PRPF39: variants seen among roughly 807,000 people sequenced by gnomAD.
PRPF39 encodes pre-mRNA-processing factor 39.
In PRPF39, 27 loss-of-function variants were observed where a neutral mutation model predicts 82.1. The ratio of observed to expected loss-of-function variants is 0.33; its 90% CI spans 0.24 to 0.45. The LOEUF (loss-of-function observed/expected upper bound fraction) is 0.45. PRPF39 is among the 20% of genes least tolerant of loss of function. The pLI is 1.00. For missense variants in PRPF39, 581 were observed against 796.9 expected (o/e 0.73, Z 3.26); for synonymous variants, 261 against 256.4 (o/e 1.02, Z -0.17).
rs1422235974 is a variant in PRPF39, at chr14:45,109,596, A to T, written c.1012-20A>T. ...GTGATATTGGTTTACTTTCATTGGC[A>T]TGTTACAATTTCATTTCAGATTAAA... On this transcript the variant is annotated intron_variant, in intron 7 of 13. Coordinates refer to ENST00000355765, the MANE Select transcript of PRPF39 (RefSeq NM_017922.4). 1.3e-6 allele frequency: 2 copies of T among 1,585,402 alleles called. No homozygotes were observed. The highest frequency in any genetic ancestry group is 2.7e-5 in the African/African-American group (2 of 73,884).
At chr14:45,109,139 A>G (rs945433648) in intron 7 of PRPF39, among the ~76,000 whole-genome samples, 1 of 152,182 alleles carries the variant, frequency 6.6e-6, no homozygotes, top group African/African-American at 2.4e-5. Context: ...AGATTTCCCT[A>G]TAATGGCCTT....
Position 45,095,293 on chromosome 14 carries a change from C to T in PRPF39, c.54C>T (p.Gly18=). 1 of 1,612,138 alleles carries T rather than the reference C, an allele frequency of 6.2e-7. No homozygotes were observed. Among genetic ancestry groups the T allele is most frequent in the Non-Finnish European group, 8.5e-7 (1 of 1,178,520 alleles). The change falls in exon 2 of 14, where the codon GGC becomes GGT. Residue 18 remains glycine (G), a synonymous_variant. Transcript: ENST00000355765. ...EYRNSSNGST[G]NSSEVVVEHP... Reference sequence around the variant, plus strand: ...GAAATTCTAGTAATGGCAGCACAGGCAACAGTTCAGAGGTAGTGGTAGAAC... The same window carrying T: ...GAAATTCTAGTAATGGCAGCACAGGTAACAGTTCAGAGGTAGTGGTAGAAC...
intron 4 of PRPF39, among the ~76,000 whole-genome samples, chr14:45,101,395 G>T (rs1884368185): frequency 6.6e-6 from 1 of 152,104 alleles, no homozygotes; most frequent in Admixed American, 6.5e-5. Flanking sequence ...ATTAAATCCA[G>T]TGATTAAAAT....
At chr14:45,105,110 G>C (rs973982884) in intron 5 of PRPF39, among the ~76,000 whole-genome samples, 2 of 152,070 alleles carry the variant, frequency 1.3e-5, no homozygotes, top group South Asian at 2.1e-4. Context: ...TTTAGGAATA[G>C]AGCTCAATAT....
chr14:45,095,398 A>T lies in PRPF39; in HGVS notation c.159A>T (p.Ala53=). The T allele has an allele frequency of 3.1e-6, 5 of 1,614,016 alleles. No homozygotes were observed. Among genetic ancestry groups the T allele is most frequent in the Non-Finnish European group, 3.4e-6 (4 of 1,179,878 alleles). The change falls in exon 2 of 14, where the codon GCA becomes GCT. Residue 53 remains alanine, a synonymous_variant. Transcript: ENST00000355765. ...CTGATGACTCTCCCAATGTGAATGC[A>T]TCTACAGAAGAAACTGAAATGGCAA... The part of the protein sequence containing the change: ...QSPDDSPNVN[A]STEETEMASA...
rs537749951 is a variant in PRPF39 at position 45,094,637 on chromosome 14, A to C, written c.-19-584A>C. 4.1e-4 allele frequency among the ~76,000 whole-genome samples: 62 copies of C among 152,326 alleles called. 1 individual carries two copies. Among genetic ancestry groups the C allele is most frequent in the African/African-American group, 1.4e-3 (60 of 41,566 alleles). ...GTTTAATTTTTTAAAGCCATAATTT[A>C]TATCTTATATAATAAAGTTGAAACC... On this transcript the variant is annotated intron_variant, in intron 1 of 13. Coordinates refer to ENST00000355765, the MANE Select transcript of PRPF39 (RefSeq NM_017922.4).
chr14:45,102,468 A>G, intron 4 of PRPF39, 61 bp from the exon 5 acceptor site: 1 of 1,360,502 alleles, frequency 7.4e-7, no homozygotes, highest in Non-Finnish European at 9.8e-7. Context: ...AAATTTAGAA[A>G]TAATATTTTA....
In PRPF39 at chr14:45,114,506, A is replaced by G. The variant is rs766648418; in HGVS notation, c.1845A>G (p.Pro615=). The change falls in exon 13 of 14, where the codon CCA becomes CCG. Residue 615 remains proline (P), a synonymous_variant. Coordinates refer to ENST00000355765, the MANE Select transcript of PRPF39 (RefSeq NM_017922.4). ...KRKAENGSEE[P]EEKKAHTEDT... is the part of the protein sequence containing the mutation. ...ACGTTTTATATAGATCAGAAGAACC[A>G]GAGGAAAAGAAAGCACATACAGAAG... The G allele has an allele frequency of 6.3e-7, 1 of 1,578,934 alleles. No individual in the cohort carries two copies. The highest frequency in any genetic ancestry group is 8.5e-7 in the Non-Finnish European group (1 of 1,169,948).
chr14:45,110,938 G>GTT lies in PRPF39; in HGVS notation c.1572+121_1572+122insTT. 1 of 989,846 alleles carries GTT rather than the reference G, an allele frequency of 1.0e-6. No individual in the cohort carries two copies. The highest frequency in any genetic ancestry group is 1.6e-5 in the African/African-American group (1 of 60,884). The allele number at this position is 989,846 out of a possible 1,614,324, so 61.3% of individuals were successfully genotyped here. Reference sequence around the variant, plus strand: ...TGTAATAGATTTTATTACTAAATGAGGACAACAGTCCCTCTAAACTGATGT... The same window carrying GTT: ...TGTAATAGATTTTATTACTAAATGAGTTGACAACAGTCCCTCTAAACTGATGT... On this transcript the variant is annotated intron_variant, in intron 10 of 13. Transcript: ENST00000355765. This position sits in a 1 kb window ranked among gnomAD's most constrained non-coding sequence, Gnocchi z 4.0.
At chr14:45,104,740 T>C (rs1884475419) in intron 5 of PRPF39, among the ~76,000 whole-genome samples, 2 of 152,242 alleles carry the variant, frequency 1.3e-5, no homozygotes, top group African/African-American at 4.8e-5. Flanking sequence ...CATGAGGACT[T>C]TGTGATCTGG....
chr14:45,102,413 A>T, intron 4 of PRPF39, 116 bp from the exon 5 acceptor site: 1 of 826,666 alleles, frequency 1.2e-6, no homozygotes, highest in Non-Finnish European at 1.8e-6. Flanking sequence ...CCCTACTTGC[A>T]TAGGAAGCAG....
Position 45,095,209 on chromosome 14 carries a change from G to A in PRPF39, c.-19-12G>A, listed in dbSNP as rs76134963. The stretch of plus-strand genomic sequence containing the variant: ...TTTGGAAGATATTTCTCTTTTTTTC[G>A]TGTTTCCACAGATCGTTAACTGAAG... On this transcript the variant is annotated splice_polypyrimidine_tract_variant and intron_variant, in intron 1 of 13. Coordinates refer to ENST00000355765, the MANE Select transcript of PRPF39 (RefSeq NM_017922.4). 1.6e-5 allele frequency: 23 copies of A among 1,464,340 alleles called. No individual in the cohort carries two copies. Among genetic ancestry groups the A allele is most frequent in the South Asian group, 5.2e-5 (4 of 76,816 alleles). 90.7% of individuals were successfully genotyped at this position (1,464,340 alleles called of 1,614,324 possible).
At chr14:45,112,552 T>G (rs1884726206) in intron 11 of PRPF39, 50 bp downstream of exon 11, 1 of 1,400,888 alleles carries the variant, frequency 7.1e-7, no homozygotes, top group Admixed American at 2.9e-5. Context: ...AGCATTGATA[T>G]TTTTGTATGG....
At chr14:45,103,309 A>G (rs1001468867) in intron 5 of PRPF39, among the ~76,000 whole-genome samples, 2 of 152,130 alleles carry the variant, frequency 1.3e-5, no homozygotes, top group Non-Finnish European at 2.9e-5. Flanking sequence ...TTTCTGCTTT[A>G]TTCAGAGTAT....
In PRPF39 at chr14:45,084,155, C is replaced by G. The variant is rs1031491226; in HGVS notation, c.-114C>G. Reference sequence around the variant, plus strand: ...GCGGCCGTGGCGCGGGTGGCGGCTGCTGTGCTGGCTGTGGGGACGGAGGCG... The same window carrying G: ...GCGGCCGTGGCGCGGGTGGCGGCTGGTGTGCTGGCTGTGGGGACGGAGGCG... On this transcript the variant is annotated 5_prime_UTR_variant, in exon 1 of 14. Transcript: ENST00000355765. The G allele has an allele frequency of 6.5e-6, 1 of 153,576 alleles. No individual in the cohort carries two copies. Among genetic ancestry groups the G allele is most frequent in the African/African-American group, 2.4e-5 (1 of 41,498 alleles). 9.5% of individuals were successfully genotyped at this position (153,576 alleles called of 1,614,324 possible). A position where few individuals can be genotyped will look rare whatever the true frequency, so the allele number is the denominator to read the frequency against.
chr14:45,104,598 TAAAA>T (rs1024378834), intron 5 of PRPF39, among the ~76,000 whole-genome samples: 1 of 152,166 alleles, frequency 6.6e-6, no homozygotes, highest in African/African-American at 2.4e-5. Flanking sequence ...AGGCGTGTGT[TAAAA>T]AAGATATTCT....
Position 45,109,768 on chromosome 14 carries a change from G to A in PRPF39, c.1164G>A (p.Glu388=). ...TCATATCATGTGCCCTCTATGAGGA[G>A]TTTTGGATTAAGGTAAGAAAATCAT... The part of the protein sequence containing the change: ...RCVISCALYE[E]FWIKYAKYME... The change falls in exon 8 of 14, where the codon GAG becomes GAA. Residue 388 remains glutamate, a synonymous_variant. Coordinates refer to ENST00000355765, the MANE Select transcript of PRPF39 (RefSeq NM_017922.4). 6.2e-7 allele frequency: 1 copy of A among 1,601,726 alleles called. No homozygotes were observed. Among genetic ancestry groups the A allele is most frequent in the Non-Finnish European group, 8.5e-7 (1 of 1,174,342 alleles).
chr14:45,094,750 T>C (rs1884145863), intron 1 of PRPF39, among the ~76,000 whole-genome samples: 1 of 152,202 alleles, frequency 6.6e-6, no homozygotes, highest in South Asian at 2.1e-4. Flanking sequence ...CTGAGCCAAG[T>C]GATGAGCTTC....
chr14:45,086,003 T>C (rs1277738354), intron 1 of PRPF39, among the ~76,000 whole-genome samples: 1 of 151,362 alleles, frequency 6.6e-6, no homozygotes, highest in Non-Finnish European at 1.5e-5. Context: ...TGGAGTGCAA[T>C]GGCGCTATTG....
Sources: allele counts gnomAD v4.1 joint callset (sites outside exome capture counted in the v4.1 genomes callset), GRCh38; gene constraint gnomAD v4.1.1; non-coding constraint Gnocchi (gnomAD v3.1); transcripts MANE v1.5; gene names NCBI Gene and HGNC (gene_info 2026-07-23, HGNC 2026-07-21).